Variants in DENND5A observed in about 807,000 individuals in gnomAD.
DENND5A encodes the protein DENN domain-containing protein 5A.
In DENND5A, 64 loss-of-function variants were observed where a neutral mutation model predicts 140.3. The ratio of observed to expected loss-of-function variants is 0.46; its 90% CI spans 0.37 to 0.56. The LOEUF is 0.56. Ranked by LOEUF, DENND5A falls within the 20% of genes least tolerant of loss-of-function variation. DENND5A has a pLI of 0.00. For synonymous variants in DENND5A, 605 were observed against 607.7 expected (o/e 1.00, Z 0.07); for missense variants, 1,292 against 1,593.8 (o/e 0.81, Z 3.22).
intron 1 of DENND5A, among the ~76,000 whole-genome samples, chr11:9,217,799 T>C (rs1396529218): frequency 2.0e-5 from 3 of 152,054 alleles, no homozygotes; most frequent in Non-Finnish European, 4.4e-5. Context: ...ACAAAAGAAA[T>C]TTGGCATGCT....
chr11:9,261,831 C>T (rs185284924), intron 1 of DENND5A, among the ~76,000 whole-genome samples: 6 of 150,020 alleles, frequency 4.0e-5, no homozygotes, highest in African/African-American at 1.5e-4. Flanking sequence ...CCCCTACCAA[C>T]CCACCAGAAA....
intron 1 of DENND5A, among the ~76,000 whole-genome samples, chr11:9,244,391 C>T (rs917512252): frequency 7.9e-5 from 12 of 151,916 alleles, no homozygotes; most frequent in South Asian, 4.2e-4. Flanking sequence ...TTTTTTGAGA[C>T]GGAGTTTCGC....
At chr11:9,264,745 T>G (rs1433163933) in intron 1 of DENND5A, among the ~76,000 whole-genome samples, 1 of 152,094 alleles carries the variant, frequency 6.6e-6, no homozygotes, top group African/African-American at 2.4e-5. Context: ...ACGTGGCCAC[T>G]GCGCAGCGGG....
intron 22 of DENND5A, among the ~76,000 whole-genome samples, chr11:9,141,333 T>C (rs1847232255): frequency 1.3e-5 from 2 of 152,214 alleles, no homozygotes; most frequent in African/African-American, 2.4e-5. Flanking sequence ...TTGTCATCCC[T>C]ACCCCGACAG....
intron 11 of DENND5A, 23 bp downstream of exon 11, chr11:9,165,813 A>G (rs1848169544): frequency 6.2e-7 from 1 of 1,613,444 alleles, no homozygotes; most frequent in Non-Finnish European, 8.5e-7. Context: ...AATAGCACAC[A>G]TACAGAGATG....
chr11:9,262,245 G>T (rs796795171), intron 1 of DENND5A, among the ~76,000 whole-genome samples: 64 of 152,224 alleles, frequency 4.2e-4, no homozygotes, highest in African/African-American at 1.5e-3. Flanking sequence ...TAGGAGAGCA[G>T]GAATATTACC....
intron 1 of DENND5A, among the ~76,000 whole-genome samples, chr11:9,216,612 G>A (rs757344954): frequency 2.6e-4 from 39 of 152,186 alleles, no homozygotes; most frequent in Non-Finnish European, 4.6e-4. Context: ...AGGACTAACC[G>A]AAAGCCTGTT....
intron 3 of DENND5A, among the ~76,000 whole-genome samples, chr11:9,205,169 C>A (rs1849654379): frequency 6.6e-6 from 1 of 152,088 alleles, no homozygotes; most frequent in South Asian, 2.1e-4. Context: ...AAAAAGTATG[C>A]TCATTTCATA....
rs57703622 is a variant in DENND5A at position 9,174,102 on chromosome 11, C to CAAAAAAAAA, written c.1907-3334_1907-3326dup. On this transcript the variant is annotated intron_variant, in intron 8 of 22. Transcript: ENST00000328194. ...TGGGCGATAGAGCAAGACTCCGTCTCAAAAAAAAAAAAAAAAAAAAAAAAA... is the reference window on the plus strand; with the variant it reads ...TGGGCGATAGAGCAAGACTCCGTCTCAAAAAAAAAAAAAAAAAAAAAAAAAAAAAAAAAA... 7.6e-3 allele frequency among the ~76,000 whole-genome samples: 319 copies of CAAAAAAAAA among 42,154 alleles called. 9 individuals are homozygous for CAAAAAAAAA. Among genetic ancestry groups the CAAAAAAAAA allele is most frequent in the Non-Finnish European group, 8.6e-3 (208 of 24,120 alleles). The allele number at this position is 42,154 out of a possible 152,430, so 27.7% of individuals were successfully genotyped here. A position where few individuals can be genotyped will look rare whatever the true frequency, so the allele number is the denominator to read the frequency against.
chr11:9,256,264 A>G (rs1243467845), intron 1 of DENND5A, among the ~76,000 whole-genome samples: 1 of 152,162 alleles, frequency 6.6e-6, no homozygotes, highest in Non-Finnish European at 1.5e-5. Flanking sequence ...GTTCAAGACC[A>G]GCCTGGCCAA....
At chr11:9,223,949 TG>T (rs66792864) in intron 1 of DENND5A, among the ~76,000 whole-genome samples, 2,847 of 152,082 alleles carry the variant, frequency 0.019, 70 homozygotes, top group Admixed American at 0.059. Flanking sequence ...CCCAGCACTT[TG>T]GGAGGCCGCA....
At chr11:9,144,899 T>C (rs1847373397) in intron 18 of DENND5A, 96 bp downstream of exon 18, 6 of 875,632 alleles carry the variant, frequency 6.9e-6, no homozygotes, top group Admixed American at 1.8e-5. Context: ...TATCACAACC[T>C]AAAGGGTCTC....
intron 1 of DENND5A, among the ~76,000 whole-genome samples, chr11:9,238,214 C>A (rs1042221326): frequency 6.6e-6 from 1 of 152,018 alleles, no homozygotes; most frequent in Non-Finnish European, 1.5e-5. Context: ...AAGAAATATT[C>A]ATGATAGAAC....
At chr11:9,238,833 C>CT (rs35267899) in intron 1 of DENND5A, among the ~76,000 whole-genome samples, 54,744 of 142,018 alleles carry the variant, frequency 0.39, 10,703 homozygotes, top group South Asian at 0.6. Context: ...TTTCTTTTTT[C>CT]TTTTTTTTTT....
intron 8 of DENND5A, among the ~76,000 whole-genome samples, chr11:9,173,917 G>A (rs181810174): frequency 1.6e-3 from 247 of 151,858 alleles, no homozygotes; most frequent in African/African-American, 5.4e-3. Flanking sequence ...TCAAGACCAC[G>A]GTGAAACCCC....
intron 6 of DENND5A, among the ~76,000 whole-genome samples, chr11:9,180,171 G>C (rs1308596258): frequency 2.0e-5 from 3 of 152,102 alleles, no homozygotes; most frequent in Non-Finnish European, 4.4e-5. Context: ...AAAGAGATCT[G>C]GGCCTGGCAC....
chr11:9,162,467 G>A (rs894744681), intron 11 of DENND5A, among the ~76,000 whole-genome samples: 3 of 151,776 alleles, frequency 2.0e-5, no homozygotes, highest in African/African-American at 4.8e-5. Flanking sequence ...TCAAACTCCC[G>A]ACCTCAAGTG....
chr11:9,144,926 AC>A (rs1218933670), intron 18 of DENND5A, 68 bp downstream of exon 18: 1 of 1,134,050 alleles, frequency 8.8e-7, no homozygotes, highest in Admixed American at 1.7e-5. Flanking sequence ...AACTCCACAT[AC>A]CCAAGCATCG....
In DENND5A at chr11:9,236,233, A is replaced by AC. The variant is rs547138316; in HGVS notation, c.110-28602_110-28601insG. Among the ~76,000 whole-genome samples, 597 of 150,870 alleles carry AC rather than the reference A, an allele frequency of 4.0e-3. 3 individuals carry two copies. The highest frequency in any genetic ancestry group is 0.017 in the Middle Eastern group (5 of 290). Reference sequence around the variant, plus strand: ...GGGAGACCCTGTCTCAAAAAAAAAAAAAAAACAAATAAAGTTCGCTGGGCG... The same window carrying AC: ...GGGAGACCCTGTCTCAAAAAAAAAAACAAAAACAAATAAAGTTCGCTGGGCG... On this transcript the variant is annotated intron_variant, in intron 1 of 22. Transcript: ENST00000328194.
Sources: allele counts gnomAD v4.1 joint callset (sites outside exome capture counted in the v4.1 genomes callset), GRCh38; gene constraint gnomAD v4.1.1; transcripts MANE v1.5; gene names NCBI Gene and HGNC (gene_info 2026-07-23, HGNC 2026-07-21).